The following CDH17 variants were observed in gnomAD, a reference collection of about 807,000 sequenced individuals.
The protein encoded by CDH17 is cadherin 17, also known as cadherin-17.
A neutral mutation model predicts 86.3 loss-of-function variants in CDH17; 67 were observed. The ratio of observed to expected loss-of-function variants is 0.78; its 90% confidence interval spans 0.64 to 0.95. The LOEUF is 0.95. Ranked by LOEUF, CDH17 falls within the 40% of genes least tolerant of loss-of-function variation. The probability of loss-of-function intolerance (pLI) is 0.00; values close to 1 mark genes in which losing one functional copy is unlikely to be tolerated. For missense variants in CDH17, 993 were observed against 1,017.6 expected, an observed-to-expected ratio of 0.98 and a Z score of 0.33; for synonymous variants, 367 against 366.4, an observed-to-expected ratio of 1.00 and a Z score of -0.02.
intron 3 of CDH17, among the ~76,000 whole-genome samples, chr8:94,181,787 C>A (rs1164131326): frequency 6.7e-6 from 1 of 149,946 alleles, no homozygotes; most frequent in East Asian, 2.0e-4. Flanking sequence ...TAACAAAGAT[C>A]AGAGTGGAAA....
chr8:94,145,300 G>C (rs888095405), intron 15 of CDH17, among the ~76,000 whole-genome samples: 3 of 152,086 alleles, frequency 2.0e-5, no homozygotes, highest in Non-Finnish European at 4.4e-5. Flanking sequence ...TCAATAATCA[G>C]GAATGAAGTA....
At chr8:94,154,266 T>C (rs1320543178) in intron 12 of CDH17, among the ~76,000 whole-genome samples, 1 of 152,180 alleles carries the variant, frequency 6.6e-6, no homozygotes, top group Non-Finnish European at 1.5e-5. Flanking sequence ...TACCAGAGCT[T>C]GCACTACGCT....
chr8:94,211,834 T>C (rs1036160594), upstream of CDH17, among the ~76,000 whole-genome samples: 3 of 152,238 alleles, frequency 2.0e-5, no homozygotes, highest in African/African-American at 7.2e-5. Context: ...GCAGAAACTT[T>C]GTCTTCAATT....
intron 10 of CDH17, among the ~76,000 whole-genome samples, chr8:94,164,914 T>C (rs909184954): frequency 1.3e-5 from 2 of 152,134 alleles, no homozygotes; most frequent in African/African-American, 4.8e-5. Flanking sequence ...TGTGACCCAA[T>C]AGAGATTAAG....
intron 14 of CDH17, among the ~76,000 whole-genome samples, chr8:94,147,987 G>C (rs150993924): frequency 6.6e-6 from 1 of 152,192 alleles, no homozygotes; most frequent in Non-Finnish European, 1.5e-5. Context: ...TCAAAGTAGA[G>C]AACATTTCAT....
At position 94,170,312 on chromosome 8, in the gene CDH17, A is replaced by G. The variant is rs1813242021; in HGVS notation, c.1066+85T>C. 6 of 1,410,632 alleles carry G rather than the reference A, an allele frequency of 4.3e-6. No individual in the cohort carries two copies. The African/African-American group carries it at 7.1e-5, about 17-fold the overall frequency. 87.4% of individuals were successfully genotyped at this position (1,410,632 alleles called of 1,614,324 possible). A position where few individuals can be genotyped will look rare whatever the true frequency, so the allele number is the denominator to read the frequency against. On this transcript the variant is annotated intron_variant, in intron 9 of 17. Coordinates refer to ENST00000027335, the MANE Select transcript of CDH17 (RefSeq NM_004063.4). The stretch of plus-strand genomic sequence containing the variant: ...TGGAAGACATGGATTACTGACTCCC[A>G]GTAAGGTCTCCTGCTCACCTTTTAC...
At chr8:94,144,988 TA>T (rs1812712464) in intron 15 of CDH17, among the ~76,000 whole-genome samples, 1 of 152,152 alleles carries the variant, frequency 6.6e-6, no homozygotes, top group Non-Finnish European at 1.5e-5. Flanking sequence ...TGGCTAAAAT[TA>T]AAGAGGCTGA....
In CDH17 at chr8:94,146,171, A is replaced by C. The variant is rs767118567; in HGVS notation, c.1928-4T>G. ...ACAGAGCTCAAGGAAGACCCCCCTA[A>C]GGAATTGAATGATTGAAACATGGGA... On this transcript the variant is annotated splice_region_variant and splice_polypyrimidine_tract_variant and intron_variant, in intron 14 of 17. Coordinates refer to ENST00000027335, the MANE Select transcript of CDH17 (RefSeq NM_004063.4). The C allele has an allele frequency of 6.6e-7, 1 of 1,504,316 alleles. No individual in the cohort carries two copies. The highest frequency in any genetic ancestry group is 1.4e-5 in the South Asian group (1 of 71,792). 93.2% of individuals were successfully genotyped at this position (1,504,316 alleles called of 1,614,324 possible).
chr8:94,131,685 GTTTTT>G (rs1337392642), intron 15 of CDH17, among the ~76,000 whole-genome samples: 1 of 151,626 alleles, frequency 6.6e-6, no homozygotes, highest in South Asian at 2.1e-4. Flanking sequence ...ACCCTGTGTG[GTTTTT>G]TTTAATACTT....
intron 12 of CDH17, among the ~76,000 whole-genome samples, chr8:94,154,661 G>A (rs558148308): frequency 3.3e-5 from 5 of 152,278 alleles, no homozygotes; most frequent in Admixed American, 1.3e-4. Context: ...TGTCTTCTCC[G>A]TGTCGGCTTC....
At position 94,130,628 on chromosome 8, in the gene CDH17, A is replaced by G. The variant is rs926341114; in HGVS notation, c.2396T>C (p.Ile799Thr). Residue 799 changes from isoleucine (I) to threonine (T), a missense_variant and splice_region_variant, in exon 17 of 18, where the codon ATT becomes ACT. Coordinates refer to ENST00000027335, the MANE Select transcript of CDH17 (RefSeq NM_004063.4). ...VGILLTTLLV[I>T]GIILAVVFIR... ...TTGAATTAAGAAATTACACTCACCAATCACCAGAAGGGTGGTCAGCAGTAT... is the reference window on the plus strand; with the variant it reads ...TTGAATTAAGAAATTACACTCACCAGTCACCAGAAGGGTGGTCAGCAGTAT... 7 of 1,597,676 alleles carry G rather than the reference A, an allele frequency of 4.4e-6. No homozygotes were observed. Among genetic ancestry groups the G allele is most frequent in the Admixed American group, 3.4e-5 (2 of 59,594 alleles).
chr8:94,184,534 G>C (rs753775319), intron 3 of CDH17, among the ~76,000 whole-genome samples: 2 of 152,156 alleles, frequency 1.3e-5, no homozygotes, highest in Non-Finnish European at 2.9e-5. Flanking sequence ...CAAATCTATA[G>C]AGATCAAGAG....
intron 1 of CDH17, chr8:94,202,760 A>C (rs1464887975): frequency 6.2e-6 from 1 of 160,278 alleles, no homozygotes; most frequent in African/African-American, 2.4e-5. Flanking sequence ...TGTGAAGTTT[A>C]AATAGCCAGG....
intron 12 of CDH17, among the ~76,000 whole-genome samples, chr8:94,159,429 A>G (rs1813005949): frequency 6.6e-6 from 1 of 152,158 alleles, no homozygotes; most frequent in Admixed American, 6.5e-5. Flanking sequence ...GCATTATTCA[A>G]AAGGTATCTC....
At chr8:94,142,261 AT>A (rs1212329649) in intron 15 of CDH17, among the ~76,000 whole-genome samples, 1 of 152,182 alleles carries the variant, frequency 6.6e-6, no homozygotes, top group Non-Finnish European at 1.5e-5. Flanking sequence ...AGTCACACAG[AT>A]TTTTTGTTTT....
chr8:94,165,692 G>C, intron 10 of CDH17, 69 bp downstream of exon 10: 1 of 1,023,898 alleles, frequency 9.8e-7, no homozygotes, highest in Non-Finnish European at 1.6e-6. Context: ...AGACATTAGC[G>C]CAGGAAAATA....
intron 1 of CDH17, among the ~76,000 whole-genome samples, chr8:94,206,214 G>A (rs897705174): frequency 4.6e-5 from 7 of 151,946 alleles, no homozygotes; most frequent in African/African-American, 1.7e-4. Context: ...GCCACTAGGG[G>A]AATATCTGCT....
At position 94,148,845 on chromosome 8, in the gene CDH17, C is replaced by G; in HGVS notation, c.1826G>C (p.Trp609Ser). The G allele has an allele frequency of 6.2e-7, 1 of 1,610,810 alleles. No homozygotes were observed. The highest frequency in any genetic ancestry group is 8.5e-7 in the Non-Finnish European group (1 of 1,178,742). ...SYSLRGDTRG[W>S]LKIDHVTGEI... Reference sequence around the variant, plus strand: ...ACCAGTCACGTGGTCAATTTTAAGCCAACCTCTTGTGTCTCCCCTCAGTGA... The same window carrying G: ...ACCAGTCACGTGGTCAATTTTAAGCGAACCTCTTGTGTCTCCCCTCAGTGA... The change falls in exon 14 of 18, where the codon TGG becomes TCG. Residue 609 changes from tryptophan to serine, a missense_variant. Transcript: ENST00000027335.
chr8:94,146,110 T>C lies in CDH17; in HGVS notation c.1985A>G (p.Asp662Gly), dbSNP rs1812738094. ...GTCCTTGGCTAGCCTGGGAGGGTTG[T>C]CATTCACATCCATAAGGATCAGGTG... is the stretch of plus-strand genomic sequence containing the variant. ...EFHLILMDVN[D>G]NPPRLAKDYT... The change falls in exon 15 of 18, where the codon GAC becomes GGC. Residue 662 changes from aspartate (D) to glycine (G), a missense_variant. Physicochemically the swap from Asp to Gly is moderately conservative, Grantham distance 94. Transcript: ENST00000027335. 5.6e-6 allele frequency: 9 copies of C among 1,611,556 alleles called. No homozygotes were observed. The highest frequency in any genetic ancestry group is 6.8e-6 in the Non-Finnish European group (8 of 1,178,920).
Sources: allele counts gnomAD v4.1 joint callset (sites outside exome capture counted in the v4.1 genomes callset), GRCh38; gene constraint gnomAD v4.1.1; transcripts MANE v1.5; gene names NCBI Gene and HGNC (gene_info 2026-07-23, HGNC 2026-07-21).